Variants in RBFOX1 observed in about 807,000 individuals in gnomAD.
RBFOX1 encodes the protein RNA binding protein fox-1 homolog 1.
RBFOX1 carries 8 observed loss-of-function variants against 57.7 expected under a neutral mutation model. The observed-to-expected ratio is 0.14, with a 90% CI of 0.08 to 0.25. The LOEUF (loss-of-function observed/expected upper bound fraction) is 0.25. Among genes scored for constraint, RBFOX1 ranks in the 10% least tolerant of loss-of-function variants. The pLI is 1.00. For missense variants in RBFOX1, 611 were observed against 548.5 expected, an observed-to-expected ratio of 1.11 and a Z score of -1.14; for synonymous variants, 326 against 222.4, an observed-to-expected ratio of 1.47 and a Z score of -4.15.
At chr16:6,029,636 G>A (rs1195048366) in intron 1 of RBFOX1, among the ~76,000 whole-genome samples, 2 of 152,054 alleles carry the variant, frequency 1.3e-5, no homozygotes, top group African/African-American at 4.8e-5. Context: ...AGCCGGGCGT[G>A]GTGGCGGGTG....
At chr16:7,303,155 C>G (rs2096073262) in intron 4 of RBFOX1, among the ~76,000 whole-genome samples, 1 of 152,208 alleles carries the variant, frequency 6.6e-6, no homozygotes, top group Non-Finnish European at 1.5e-5. Context: ...CGGTTGCTCT[C>G]ATTGAACAGC....
At chr16:6,877,029 C>G (rs1279028239) in intron 3 of RBFOX1, among the ~76,000 whole-genome samples, 1 of 152,122 alleles carries the variant, frequency 6.6e-6, no homozygotes, top group East Asian at 1.9e-4. Context: ...GCTATTGTTT[C>G]TTATTAAATA....
intron 4 of RBFOX1, among the ~76,000 whole-genome samples, chr16:7,189,761 T>A (rs955995213): frequency 7.9e-5 from 12 of 152,210 alleles, no homozygotes; most frequent in African/African-American, 2.9e-4. Context: ...CTGCAGGCAA[T>A]CCCTTCTATA....
At chr16:6,931,936 C>T (rs923663149) in intron 3 of RBFOX1, among the ~76,000 whole-genome samples, 6 of 152,098 alleles carry the variant, frequency 3.9e-5, no homozygotes, top group African/African-American at 1.4e-4. Flanking sequence ...GCAAGAGAAC[C>T]AGGGGGCTGA....
At chr16:6,415,769 A>T (rs886689351) in intron 2 of RBFOX1, among the ~76,000 whole-genome samples, 1 of 152,176 alleles carries the variant, frequency 6.6e-6, no homozygotes, top group African/African-American at 2.4e-5. Context: ...TGTAACCCCC[A>T]CAACCTCAGG....
intron 3 of RBFOX1, among the ~76,000 whole-genome samples, chr16:6,681,039 G>A (rs368396629): frequency 6.6e-6 from 1 of 152,332 alleles, no homozygotes; most frequent in East Asian, 1.9e-4. Context: ...GGCTGGGCAT[G>A]ATGGCTCACA....
chr16:5,963,690 C>G (rs534773457), intron 4 of RBFOX1, among the ~76,000 whole-genome samples: 2 of 152,266 alleles, frequency 1.3e-5, no homozygotes, highest in South Asian at 4.1e-4. Flanking sequence ...GTTAATGGGA[C>G]AACTGGATAT....
chr16:7,667,145 A>C (rs142705500), intron 13 of RBFOX1, among the ~76,000 whole-genome samples: 2 of 152,180 alleles, frequency 1.3e-5, no homozygotes, highest in Non-Finnish European at 2.9e-5. Context: ...TACCCAGCAC[A>C]TGTTTCTGTC....
At chr16:5,676,971 A>G (rs903428030) in intron 3 of RBFOX1, among the ~76,000 whole-genome samples, 1 of 152,240 alleles carries the variant, frequency 6.6e-6, no homozygotes, top group East Asian at 1.9e-4. Context: ...GGTAGCAAGT[A>G]TGACTCTCTG....
intron 3 of RBFOX1, among the ~76,000 whole-genome samples, chr16:5,691,843 G>C (rs1038432806): frequency 1.3e-5 from 2 of 152,112 alleles, no homozygotes; most frequent in African/African-American, 4.8e-5. Flanking sequence ...CCCACAAATA[G>C]GTGCCAGAGT....
chr16:7,246,776 A>C (rs1245946015), intron 4 of RBFOX1, among the ~76,000 whole-genome samples: 1 of 151,914 alleles, frequency 6.6e-6, no homozygotes, highest in East Asian at 1.9e-4. Flanking sequence ...TAGCACATCC[A>C]GAGGCTTATT....
intron 3 of RBFOX1, among the ~76,000 whole-genome samples, chr16:5,682,086 C>A (rs1044755703): frequency 6.6e-6 from 1 of 152,156 alleles, no homozygotes; most frequent in Admixed American, 6.5e-5. Context: ...TTATGTAGGA[C>A]AGCATTACAG....
At chr16:6,570,527 A>G (rs2097330782) in intron 2 of RBFOX1, among the ~76,000 whole-genome samples, 1 of 152,204 alleles carries the variant, frequency 6.6e-6, no homozygotes, top group South Asian at 2.1e-4. Context: ...ACATACACAT[A>G]TAAAATATAA....
At chr16:7,025,916 C>T (rs556229621) in intron 3 of RBFOX1, among the ~76,000 whole-genome samples, 1 of 152,058 alleles carries the variant, frequency 6.6e-6, no homozygotes, top group African/African-American at 2.4e-5. Context: ...GATGCCTAGA[C>T]CCCTCTCGGG....
intron 2 of RBFOX1, among the ~76,000 whole-genome samples, chr16:6,594,571 AG>A (rs1458737097): frequency 6.6e-6 from 1 of 152,074 alleles, no homozygotes; most frequent in African/African-American, 2.4e-5. Context: ...TTAATGTAAA[AG>A]CTCCTGTTTT....
chr16:5,986,548 CT>C (rs1209460536), intron 4 of RBFOX1, among the ~76,000 whole-genome samples: 5 of 152,196 alleles, frequency 3.3e-5, no homozygotes, highest in African/African-American at 1.2e-4. Flanking sequence ...CCTCTCACCC[CT>C]GCCTCCTGTC....
intron 3 of RBFOX1, among the ~76,000 whole-genome samples, chr16:6,885,852 T>A (rs11077101): frequency 0.69 from 105,143 of 152,114 alleles, 36,632 homozygotes; most frequent in East Asian, 0.92. Flanking sequence ...ATTTTTATTT[T>A]AGAGAAATTC....
At chr16:6,175,275 A>T (rs989227532) in intron 1 of RBFOX1, among the ~76,000 whole-genome samples, 2 of 152,326 alleles carry the variant, frequency 1.3e-5, no homozygotes, top group Middle Eastern at 3.4e-3. Context: ...ATTTTCCGTA[A>T]TACGTCCCTA....
At chr16:7,379,922 A>G (rs1002628559) in intron 4 of RBFOX1, among the ~76,000 whole-genome samples, 3 of 151,938 alleles carry the variant, frequency 2.0e-5, no homozygotes, top group African/African-American at 7.3e-5. Flanking sequence ...GCACCATCAT[A>G]TCTCACCCCA....
Sources: gnomAD v4.1 joint callset for allele counts (sites outside exome capture counted in the v4.1 genomes callset) on GRCh38, gnomAD v4.1.1 for gene constraint, MANE v1.5 for transcripts, NCBI Gene and HGNC (gene_info 2026-07-23, HGNC 2026-07-21) for gene names.